NAALADL2: variants seen among roughly 807,000 people sequenced by gnomAD.
NAALADL2 encodes N-acetylated alpha-linked acidic dipeptidase like 2, also known as inactive N-acetylated-alpha-linked acidic dipeptidase-like protein 2.
Under a neutral mutation model 87.2 loss-of-function variants are expected in NAALADL2, and 76 were observed. That is an observed-to-expected ratio of 0.87 (90% confidence interval 0.72 to 1.05). The LOEUF (loss-of-function observed/expected upper bound fraction) is 1.05. NAALADL2 is among the 50% of genes least tolerant of loss of function. NAALADL2 has a pLI of 0.00. For missense variants in NAALADL2, 1,089 were observed against 945.8 expected (o/e 1.15, Z -1.99); for synonymous variants, 354 against 331.0 (o/e 1.07, Z -0.75).
chr3:175,448,113 C>T (rs1720986613), intron 6 of NAALADL2, among the ~76,000 whole-genome samples: 3 of 151,930 alleles, frequency 2.0e-5, no homozygotes, highest in Admixed American at 2.0e-4. Context: ...CAAAAGCATA[C>T]AAAAAAGAAA....
At chr3:174,466,273 A>ATTTTTT (rs1326538046) in intron 1 of NAALADL2, among the ~76,000 whole-genome samples, 1 of 137,646 alleles carries the variant, frequency 7.3e-6, no homozygotes, top group Non-Finnish European at 1.6e-5. Flanking sequence ...ACATTATGAG[A>ATTTTTT]TTTTTTTTTT....
intron 3 of NAALADL2, among the ~76,000 whole-genome samples, chr3:174,747,304 G>C (rs367754744): frequency 6.6e-6 from 1 of 151,944 alleles, no homozygotes; most frequent in African/African-American, 2.4e-5. Flanking sequence ...ATACATTTAC[G>C]TGGCCAAAAA....
intron 13 of NAALADL2, among the ~76,000 whole-genome samples, chr3:175,793,581 C>T (rs567774341): frequency 4.6e-5 from 7 of 152,110 alleles, no homozygotes; most frequent in Non-Finnish European, 8.8e-5. Flanking sequence ...TCCTGAAGTG[C>T]TGGGATTACA....
chr3:174,945,578 C>A (rs930402202), intron 1 of NAALADL2, among the ~76,000 whole-genome samples: 1 of 152,126 alleles, frequency 6.6e-6, no homozygotes, highest in Admixed American at 6.6e-5. Context: ...AATTCTCAAA[C>A]GTTTTGAGCA....
chr3:175,555,057 C>A (rs1715035438), intron 9 of NAALADL2, among the ~76,000 whole-genome samples: 1 of 152,122 alleles, frequency 6.6e-6, no homozygotes, highest in South Asian at 2.1e-4. Context: ...TAGAAGATTG[C>A]AAGTACTTTC....
At chr3:174,679,741 A>C (rs1167502115) in intron 2 of NAALADL2, among the ~76,000 whole-genome samples, 1 of 152,228 alleles carries the variant, frequency 6.6e-6, no homozygotes, top group African/African-American at 2.4e-5. Context: ...CTGCTGTATT[A>C]AGGAGGAATT....
intron 5 of NAALADL2, among the ~76,000 whole-genome samples, chr3:175,432,477 C>A (rs1270173758): frequency 1.3e-5 from 2 of 151,906 alleles, no homozygotes; most frequent in East Asian, 1.9e-4. Flanking sequence ...ATATAAAACC[C>A]ACCATAATAA....
At chr3:175,246,421 GTC>G (rs1394148822) in intron 3 of NAALADL2, among the ~76,000 whole-genome samples, 1 of 152,128 alleles carries the variant, frequency 6.6e-6, no homozygotes, top group African/African-American at 2.4e-5. Flanking sequence ...TACATTCTGA[GTC>G]TCTCTTAGAG....
intron 3 of NAALADL2, among the ~76,000 whole-genome samples, chr3:174,762,101 T>C (rs1017336519): frequency 2.0e-5 from 3 of 151,842 alleles, no homozygotes; most frequent in Non-Finnish European, 4.4e-5. Flanking sequence ...ATTGATTTTT[T>C]CTATTTTTTG....
At chr3:175,370,128 C>T (rs1005307149) in intron 5 of NAALADL2, among the ~76,000 whole-genome samples, 2 of 152,082 alleles carry the variant, frequency 1.3e-5, no homozygotes, top group Non-Finnish European at 2.9e-5. Flanking sequence ...AATATCCAGT[C>T]ATAGTTCATC....
At chr3:175,082,028 C>G (rs192085603) in intron 1 of NAALADL2, among the ~76,000 whole-genome samples, 21 of 147,182 alleles carry the variant, frequency 1.4e-4, no homozygotes, top group Admixed American at 3.5e-4. Context: ...CTCTCTCGTT[C>G]CCTTTGTGTG....
At chr3:174,797,744 G>C (rs927826571) in intron 3 of NAALADL2, among the ~76,000 whole-genome samples, 12 of 152,260 alleles carry the variant, frequency 7.9e-5, no homozygotes, top group Non-Finnish European at 1.3e-4. Flanking sequence ...AGAAATGAGA[G>C]AATTAAATTG....
chr3:175,041,950 C>T (rs575806235), intron 1 of NAALADL2, among the ~76,000 whole-genome samples: 1 of 152,124 alleles, frequency 6.6e-6, no homozygotes, highest in East Asian at 1.9e-4. Flanking sequence ...ACAGTTAATA[C>T]CTGCTCTTAT....
chr3:175,105,573 TAC>T (rs141354006), intron 2 of NAALADL2, among the ~76,000 whole-genome samples: 2 of 146,978 alleles, frequency 1.4e-5, no homozygotes, highest in Non-Finnish European at 3.0e-5. Flanking sequence ...TATATATTCA[TAC>T]ACACACACAT....
At position 175,644,628 on chromosome 3, in the gene NAALADL2, G is replaced by A. The variant is rs73881330; in HGVS notation, c.1896+17242G>A. Among the ~76,000 whole-genome samples, 550 of 152,114 alleles carry A rather than the reference G, an allele frequency of 3.6e-3. 3 individuals carry two copies. The highest frequency in any genetic ancestry group is 0.012 in the African/African-American group (508 of 41,510). ...TCTCATCTGTGTATGAACACAATACGTTTTAGACACAGAATTTTAAAGTAA... is the reference window on the plus strand; with the variant it reads ...TCTCATCTGTGTATGAACACAATACATTTTAGACACAGAATTTTAAAGTAA... On this transcript the variant is annotated intron_variant, in intron 11 of 13. Transcript: ENST00000454872.
At chr3:174,725,249 A>C (rs532323594) in intron 2 of NAALADL2, among the ~76,000 whole-genome samples, 1 of 152,210 alleles carries the variant, frequency 6.6e-6, no homozygotes, top group South Asian at 2.1e-4. Context: ...TTGGCTTGGC[A>C]AAACTATAAC....
At chr3:174,878,786 A>G (rs1339904866) in intron 1 of NAALADL2, among the ~76,000 whole-genome samples, 1 of 151,976 alleles carries the variant, frequency 6.6e-6, no homozygotes, top group African/African-American at 2.4e-5. Context: ...ACTTTTTTTC[A>G]TACCTCAGAA....
intron 2 of NAALADL2, among the ~76,000 whole-genome samples, chr3:175,196,055 T>G (rs1738948866): frequency 6.6e-6 from 1 of 151,918 alleles, no homozygotes; most frequent in Non-Finnish European, 1.5e-5. Context: ...TTAAATAAAC[T>G]TTAAAAGATT....
At chr3:174,521,331 C>T (rs1257336178) in intron 1 of NAALADL2, among the ~76,000 whole-genome samples, 5 of 151,788 alleles carry the variant, frequency 3.3e-5, no homozygotes, top group Non-Finnish European at 5.9e-5. Flanking sequence ...TGTTCGGGGC[C>T]GAGGCAGGCG....
Sources: allele counts gnomAD v4.1 joint callset (sites outside exome capture counted in the v4.1 genomes callset), GRCh38; gene constraint gnomAD v4.1.1; transcripts MANE v1.5; gene names NCBI Gene and HGNC (gene_info 2026-07-23, HGNC 2026-07-21).